WDR70: variants seen among roughly 807,000 people sequenced by gnomAD.
WDR70 encodes WD repeat domain 70.
A neutral mutation model predicts 88.6 loss-of-function variants in WDR70; 53 were observed. The ratio of observed to expected loss-of-function variants is 0.60; its 90% CI spans 0.48 to 0.75. The LOEUF is 0.75. WDR70 is among the 30% of genes least tolerant of loss of function. The probability of loss-of-function intolerance (pLI) is 0.00; values close to 1 mark genes in which losing one functional copy is unlikely to be tolerated. For synonymous variants in WDR70, 280 were observed against 270.0 expected, an observed-to-expected ratio of 1.04 and a Z score of -0.36; for missense variants, 610 against 823.2, an observed-to-expected ratio of 0.74 and a Z score of 3.17.
chr5:37,413,808 G>T (rs1042672257), intron 5 of WDR70, among the ~76,000 whole-genome samples: 3 of 151,640 alleles, frequency 2.0e-5, no homozygotes, highest in Non-Finnish European at 4.4e-5. Context: ...GTTGAATAAG[G>T]TTTATTTCTG....
intron 10 of WDR70, among the ~76,000 whole-genome samples, chr5:37,687,654 A>G (rs1267738233): frequency 6.6e-6 from 1 of 152,230 alleles, no homozygotes; most frequent in Admixed American, 6.5e-5. Context: ...ATACTACAGC[A>G]AGACAAAATC....
intron 7 of WDR70, among the ~76,000 whole-genome samples, chr5:37,452,614 G>A (rs1738708661): frequency 6.6e-6 from 1 of 152,154 alleles, no homozygotes; most frequent in African/African-American, 2.4e-5. Context: ...ACCCAAGTGA[G>A]AATCCACACA....
chr5:37,613,950 A>G (rs897610947), intron 10 of WDR70, among the ~76,000 whole-genome samples: 6 of 152,224 alleles, frequency 3.9e-5, no homozygotes, highest in African/African-American at 1.4e-4. Context: ...GCCATGTACC[A>G]AATCTAGCCC....
chr5:37,581,513 G>A (rs1322901733), intron 9 of WDR70, among the ~76,000 whole-genome samples: 1 of 152,062 alleles, frequency 6.6e-6, no homozygotes, highest in African/African-American at 2.4e-5. Context: ...TACTCATGTC[G>A]TTATTTTTTG....
intron 7 of WDR70, among the ~76,000 whole-genome samples, chr5:37,468,115 G>C (rs1025001576): frequency 5.3e-5 from 8 of 152,104 alleles, no homozygotes; most frequent in South Asian, 2.1e-4. Flanking sequence ...TCCCAAAGTG[G>C]TAGGATTACA....
chr5:37,453,861 G>C (rs1738750664), intron 7 of WDR70, among the ~76,000 whole-genome samples: 1 of 152,062 alleles, frequency 6.6e-6, no homozygotes. Context: ...TCCTCAGAGA[G>C]ACCTTTCCTC....
intron 8 of WDR70, among the ~76,000 whole-genome samples, chr5:37,505,426 G>A (rs1221073084): frequency 6.6e-6 from 1 of 152,018 alleles, no homozygotes; most frequent in South Asian, 2.1e-4. Flanking sequence ...GTATTGAGTG[G>A]AACCCCCCTA....
intron 7 of WDR70, among the ~76,000 whole-genome samples, chr5:37,476,631 A>C (rs1038679793): frequency 6.6e-6 from 1 of 151,636 alleles, no homozygotes; most frequent in Non-Finnish European, 1.5e-5. Flanking sequence ...ACTCACTGCA[A>C]CTTCCGCCTC....
At chr5:37,740,148 C>A (rs1748431279) in intron 17 of WDR70, among the ~76,000 whole-genome samples, 1 of 152,130 alleles carries the variant, frequency 6.6e-6, no homozygotes. Flanking sequence ...AGACCATCCC[C>A]CAGGGAAGAA....
chr5:37,620,122 A>G (rs2112502792), intron 10 of WDR70: 2 of 152,160 alleles, frequency 1.3e-5, no homozygotes, highest in Middle Eastern at 6.8e-3. Flanking sequence ...ATCATTTTTT[A>G]TGGTTCTTAG....
At chr5:37,523,050 G>A (rs1445982432) in intron 9 of WDR70, among the ~76,000 whole-genome samples, 4 of 152,222 alleles carry the variant, frequency 2.6e-5, no homozygotes, top group African/African-American at 7.2e-5. Context: ...CTCCACCTCT[G>A]GGGGCAGGGC....
intron 4 of WDR70, among the ~76,000 whole-genome samples, chr5:37,395,325 G>A (rs951543765): frequency 3.3e-5 from 5 of 152,102 alleles, no homozygotes; most frequent in African/African-American, 1.2e-4. Flanking sequence ...TCTCAAGCCC[G>A]TCCAACCTGC....
chr5:37,532,666 T>A (rs1281606096), intron 9 of WDR70, among the ~76,000 whole-genome samples: 1 of 152,160 alleles, frequency 6.6e-6, no homozygotes, highest in Non-Finnish European at 1.5e-5. Context: ...TTTCCTATCC[T>A]GTATCATGTT....
intron 9 of WDR70, among the ~76,000 whole-genome samples, chr5:37,577,312 C>G (rs2112417818): frequency 6.6e-6 from 1 of 152,062 alleles, no homozygotes; most frequent in African/African-American, 2.4e-5. Flanking sequence ...GACACCTTCT[C>G]TACAAAAAAT....
In WDR70 at chr5:37,415,910, A is replaced by ATG. The variant is rs1309117979; in HGVS notation, c.492+19341_492+19342dup. ...AGAGACGCTCCCCACATCTCAGACGATGGGCCGCCGGGCAGAGACGCTCCT... is the reference window on the plus strand; with the variant it reads ...AGAGACGCTCCCCACATCTCAGACGATGTGGGCCGCCGGGCAGAGACGCTCCT... On this transcript the variant is annotated intron_variant, in intron 5 of 17. Coordinates refer to ENST00000265107, the MANE Select transcript of WDR70 (RefSeq NM_018034.4). Among the ~76,000 whole-genome samples the ATG allele has an allele frequency of 4.2e-5, 6 of 143,428 alleles. 1 individual carries two copies. Among genetic ancestry groups the ATG allele is most frequent in the Admixed American group, 3.5e-4 (5 of 14,376 alleles). 94.1% of individuals were successfully genotyped at this position (143,428 alleles called of 152,430 possible). A position where few individuals can be genotyped will look rare whatever the true frequency, so the allele number is the denominator to read the frequency against.
intron 10 of WDR70, among the ~76,000 whole-genome samples, chr5:37,646,266 C>T (rs899772632): frequency 7.2e-5 from 11 of 152,034 alleles, no homozygotes; most frequent in African/African-American, 2.7e-4. Context: ...CCAATAAACT[C>T]TACAATTTAA....
At chr5:37,587,348 T>C (rs1045625586) in intron 9 of WDR70, among the ~76,000 whole-genome samples, 1 of 151,938 alleles carries the variant, frequency 6.6e-6, no homozygotes, top group South Asian at 2.1e-4. Flanking sequence ...ACTACTTTTT[T>C]TTCCCTATAT....
chr5:37,447,343 C>G (rs1456718876), intron 7 of WDR70, among the ~76,000 whole-genome samples: 2 of 152,254 alleles, frequency 1.3e-5, no homozygotes, highest in Admixed American at 6.5e-5. Context: ...ATTGGTGGGA[C>G]TGTAAACTAG....
At chr5:37,427,437 TATACAC>T (rs1283181735) in intron 5 of WDR70, among the ~76,000 whole-genome samples, 2 of 152,072 alleles carry the variant, frequency 1.3e-5, no homozygotes, top group African/African-American at 2.4e-5. Flanking sequence ...CATTGATTCT[TATACAC>T]ATGCACACAT....
Sources: allele counts gnomAD v4.1 joint callset (sites outside exome capture counted in the v4.1 genomes callset), GRCh38; gene constraint gnomAD v4.1.1; transcripts MANE v1.5; gene names NCBI Gene and HGNC (gene_info 2026-07-23, HGNC 2026-07-21).